Variants in HS6ST3 observed in about 807,000 individuals in gnomAD.
The protein encoded by HS6ST3 is heparan sulfate 6-O-sulfotransferase 3.
Under a neutral mutation model 36.7 loss-of-function variants are expected in HS6ST3, and 12 were observed. The ratio of observed to expected loss-of-function variants is 0.33; its 90% CI spans 0.21 to 0.53. The LOEUF (loss-of-function observed/expected upper bound fraction) is 0.53, where lower values mean the gene tolerates loss of function less well. Ranked by LOEUF, HS6ST3 falls within the 20% of genes least tolerant of loss-of-function variation. HS6ST3 has a pLI of 0.95. For synonymous variants in HS6ST3, 240 were observed against 257.5 expected (o/e 0.93, Z 0.65); for missense variants, 584 against 640.9 (o/e 0.91, Z 0.96).
chr13:96,201,727 C>T (rs536122525), intron 1 of HS6ST3, among the ~76,000 whole-genome samples: 31 of 152,166 alleles, frequency 2.0e-4, no homozygotes, highest in African/African-American at 6.7e-4. Context: ...AATACGTTTT[C>T]GTGAAATTGA....
chr13:96,833,304 T>A lies in HS6ST3; in HGVS notation c.*106T>A. 1 of 804,458 alleles carries A rather than the reference T, an allele frequency of 1.2e-6. No homozygotes were observed. Among genetic ancestry groups the A allele is most frequent in the Non-Finnish European group, 1.9e-6 (1 of 526,758 alleles). The allele number at this position is 804,458 out of a possible 1,614,324, so 49.8% of individuals were successfully genotyped here. ...GCCATTCTGAGGACATCTGGCTGTG[T>A]GTGCTTGATTTGGACATCTTCTTCC... On this transcript the variant is annotated 3_prime_UTR_variant, in exon 2 of 2. Coordinates refer to ENST00000376705, the MANE Select transcript of HS6ST3 (RefSeq NM_153456.4).
intron 1 of HS6ST3, among the ~76,000 whole-genome samples, chr13:96,338,798 T>C (rs2055115238): frequency 6.6e-6 from 1 of 152,138 alleles, no homozygotes; most frequent in Non-Finnish European, 1.5e-5. Flanking sequence ...CGTCATTTGG[T>C]GGGATACAGG....
chr13:96,279,655 C>A (rs1016917465), intron 1 of HS6ST3, among the ~76,000 whole-genome samples: 1 of 152,194 alleles, frequency 6.6e-6, no homozygotes, highest in Non-Finnish European at 1.5e-5. Flanking sequence ...GTTAGCTGCT[C>A]ATCTACTTTC....
chr13:96,429,870 T>C (rs896096089), intron 1 of HS6ST3, among the ~76,000 whole-genome samples: 1 of 152,224 alleles, frequency 6.6e-6, no homozygotes, highest in African/African-American at 2.4e-5. Context: ...AAATTGTAGT[T>C]TATAAAATTC....
intron 1 of HS6ST3, among the ~76,000 whole-genome samples, chr13:96,290,947 A>G (rs1358382986): frequency 2.0e-5 from 3 of 152,124 alleles, no homozygotes; most frequent in African/African-American, 7.2e-5. Flanking sequence ...ACTTGCTGGT[A>G]ATGCCCTTCT....
chr13:96,274,604 TA>T (rs1286663714), intron 1 of HS6ST3, among the ~76,000 whole-genome samples: 6 of 152,046 alleles, frequency 3.9e-5, no homozygotes, highest in South Asian at 2.1e-4. Flanking sequence ...TTCTTTTGGA[TA>T]AAAGTCTCAC....
chr13:96,643,455 A>G (rs2056577540), intron 1 of HS6ST3, among the ~76,000 whole-genome samples: 3 of 151,956 alleles, frequency 2.0e-5, no homozygotes, highest in Non-Finnish European at 4.4e-5. Flanking sequence ...TCCTGTGGAC[A>G]TCTCATTACC....
chr13:96,473,523 C>G (rs1369171437), intron 1 of HS6ST3, among the ~76,000 whole-genome samples: 1 of 152,190 alleles, frequency 6.6e-6, no homozygotes, highest in Non-Finnish European at 1.5e-5. Flanking sequence ...TCCTAAGTGT[C>G]TGGCATCGCT....
chr13:96,273,154 T>A (rs1297675287), intron 1 of HS6ST3, among the ~76,000 whole-genome samples: 1 of 151,980 alleles, frequency 6.6e-6, no homozygotes, highest in African/African-American at 2.4e-5. Context: ...AAGTCCTTAG[T>A]GCTGCTCGCC....
chr13:96,156,581 G>A (rs996935592), intron 1 of HS6ST3, among the ~76,000 whole-genome samples: 34 of 152,072 alleles, frequency 2.2e-4, no homozygotes, highest in Non-Finnish European at 2.6e-4. Flanking sequence ...GGGCAGTGTC[G>A]GCCACCATGA....
intron 1 of HS6ST3, among the ~76,000 whole-genome samples, chr13:96,777,894 G>T (rs8002363): frequency 0.014 from 2,126 of 152,244 alleles, 56 homozygotes; most frequent in African/African-American, 0.048. Flanking sequence ...GAACAAAGCT[G>T]GAGGCATCAT....
chr13:96,304,715 T>TTTC (rs1456749452), intron 1 of HS6ST3, among the ~76,000 whole-genome samples: 25 of 28,880 alleles, frequency 8.7e-4, no homozygotes, highest in South Asian at 3.9e-3. Flanking sequence ...TTCTTTCTTT[T>TTTC]TTTTTTTTTT....
Position 96,090,695 on chromosome 13 carries a change from C to T in HS6ST3, c.-168C>T, listed in dbSNP as rs2053756705. 3.4e-6 allele frequency: 1 copy of T among 295,072 alleles called. No individual in the cohort carries two copies. Among genetic ancestry groups the T allele is most frequent in the Admixed American group, 5.8e-5 (1 of 17,114 alleles). 18.3% of individuals were successfully genotyped at this position (295,072 alleles called of 1,614,324 possible). Reference sequence around the variant, plus strand: ...GCTCGCAGGCCCCGGCTCCTCAAGCCCCGAGGGCCGCGGGGCCGCCAGCCA... The same window carrying T: ...GCTCGCAGGCCCCGGCTCCTCAAGCTCCGAGGGCCGCGGGGCCGCCAGCCA... On this transcript the variant is annotated 5_prime_UTR_variant, in exon 1 of 2. Transcript: ENST00000376705.
rs903675071 is a variant in HS6ST3, at chr13:96,419,042, C to T, written c.707+327473C>T. 1.2e-4 allele frequency among the ~76,000 whole-genome samples: 18 copies of T among 152,366 alleles called. No homozygotes were observed. The East Asian group carries it at 3.3e-3, about 28-fold the overall frequency. Reference sequence around the variant, plus strand: ...TGATTAACTGTCTTGAGGCTTTTTACAGATTCTAAGTCAGACTTTTTTTCT... The same window carrying T: ...TGATTAACTGTCTTGAGGCTTTTTATAGATTCTAAGTCAGACTTTTTTTCT... On this transcript the variant is annotated intron_variant, in intron 1 of 1. Transcript: ENST00000376705.
At position 96,449,972 on chromosome 13, in the gene HS6ST3, T is replaced by G. The variant is rs552976820; in HGVS notation, c.707+358403T>G. On this transcript the variant is annotated intron_variant, in intron 1 of 1. Coordinates refer to ENST00000376705, the MANE Select transcript of HS6ST3 (RefSeq NM_153456.4). ...TAATTTGACTTATGAAAACTACAGA[T>G]AAAACATGTACCCTGGATTTTAAGA... 5.3e-5 allele frequency among the ~76,000 whole-genome samples: 8 copies of G among 152,340 alleles called. No homozygotes were observed. In the East Asian group the frequency reaches 1.5e-3, roughly 29 times the overall value.
intron 1 of HS6ST3, among the ~76,000 whole-genome samples, chr13:96,619,106 T>C (rs574951684): frequency 6.6e-6 from 1 of 152,110 alleles, no homozygotes; most frequent in Non-Finnish European, 1.5e-5. Context: ...TTCTTTGCCC[T>C]CTCTTTGACA....
Position 96,741,542 on chromosome 13 carries a change from G to GCAC in HS6ST3, c.708-90944_708-90942dup, listed in dbSNP as rs376422012. 2.4e-4 allele frequency among the ~76,000 whole-genome samples: 37 copies of GCAC among 152,128 alleles called. No individual in the cohort carries two copies. In the South Asian group the frequency reaches 2.5e-3, roughly 10 times the overall value. ...CTCCAATGTGGCAAACATTTATAAA[G>GCAC]CACCACTGTGTGCAGAGTTGCCAGG... On this transcript the variant is annotated intron_variant, in intron 1 of 1. Transcript: ENST00000376705.
chr13:96,525,990 A>G (rs2056112591), intron 1 of HS6ST3, among the ~76,000 whole-genome samples: 1 of 152,224 alleles, frequency 6.6e-6, no homozygotes, highest in South Asian at 2.1e-4. Flanking sequence ...GACATGCATT[A>G]TTATACAAAC....
intron 1 of HS6ST3, among the ~76,000 whole-genome samples, chr13:96,545,285 T>A (rs971821354): frequency 2.0e-5 from 3 of 152,208 alleles, no homozygotes; most frequent in African/African-American, 7.2e-5. Flanking sequence ...GGAGTAATTA[T>A]TTCTATTTGC....
Sources: allele counts gnomAD v4.1 joint callset (sites outside exome capture counted in the v4.1 genomes callset), GRCh38; gene constraint gnomAD v4.1.1; transcripts MANE v1.5; gene names NCBI Gene and HGNC (gene_info 2026-07-23, HGNC 2026-07-21).